Variants in PTCHD1 observed in about 807,000 individuals in gnomAD.
The protein encoded by PTCHD1 is patched domain containing 1.
In PTCHD1, 3 loss-of-function variants were observed where a neutral mutation model predicts 34.6. The observed-to-expected ratio is 0.09, with a 90% CI of 0.04 to 0.22. PTCHD1 has a LOEUF of 0.22. PTCHD1 is among the 10% of genes least tolerant of loss of function. The pLI is 1.00. For synonymous variants in PTCHD1, 305 were observed against 283.1 expected (o/e 1.08, Z -0.77); for missense variants, 504 against 685.5 (o/e 0.74, Z 2.96).
intron 1 of PTCHD1, among the ~76,000 whole-genome samples, chrX:23,356,217 C>T (rs920506023): frequency 1.8e-5 from 2 of 112,145 alleles, no homozygotes; most frequent in African/African-American, 3.2e-5. Flanking sequence ...TTGAGTATTG[C>T]GTGCCTACTC....
chrX:23,345,905 G>A (rs1041039837), intron 1 of PTCHD1, among the ~76,000 whole-genome samples: 3 of 111,881 alleles, frequency 2.7e-5, no homozygotes, highest in Non-Finnish European at 5.6e-5. Context: ...TGTAAGGCAA[G>A]CATGTTGAAC....
intron 1 of PTCHD1, among the ~76,000 whole-genome samples, chrX:23,364,233 C>G (rs937994600): frequency 3.6e-5 from 4 of 110,277 alleles, no homozygotes; most frequent in African/African-American, 1.3e-4. Context: ...ATGAGAGGGC[C>G]CTCTGGGTAC....
intron 1 of PTCHD1, among the ~76,000 whole-genome samples, chrX:23,361,477 C>A (rs893477827): frequency 2.7e-5 from 3 of 111,421 alleles, no homozygotes; most frequent in Non-Finnish European, 5.7e-5. Context: ...GCAACCCCTG[C>A]CTTTTTTTGT....
In PTCHD1 at chrX:23,380,210, A is replaced by C. The variant is rs1922526360; in HGVS notation, c.971A>C (p.Lys324Thr). The C allele has an allele frequency of 8.3e-7, 1 of 1,209,040 alleles. No individual in the cohort carries two copies. The part of the protein sequence containing the change: ...AAGIINLTGG[K>T]YNSTFLGVPF... ...GGGATCATCAATCTTACTGGTGGGA[A>C]ATATAATTCCACCTTCCTGGGAGTC... The change falls in exon 2 of 3, where the codon AAA (lysine) becomes ACA (threonine). Residue 324 changes from lysine to threonine, a missense_variant. Lys to Thr is a moderately conservative substitution (Grantham distance 78). Coordinates refer to ENST00000379361, the MANE Select transcript of PTCHD1 (RefSeq NM_173495.3).
intron 2 of PTCHD1, among the ~76,000 whole-genome samples, chrX:23,385,766 G>A (rs1324148899): frequency 9.0e-6 from 1 of 111,328 alleles, no homozygotes; most frequent in Non-Finnish European, 1.9e-5. Context: ...ACTGATTGGT[G>A]TAGCAACACT....
At position 23,394,135 on chromosome X, in the gene PTCHD1, A is replaced by C. The variant is rs1439601689; in HGVS notation, c.2617A>C (p.Met873Leu). Reference protein sequence around the residue: ...ENREEIECVEMVDIDSTRVVD... With the variant: ...ENREEIECVELVDIDSTRVVD... ...CCGGGAGGAAATTGAGTGTGTAGAA[A>C]TGGTAGATATCGATAGTACCCGTGT... Residue 873 changes from methionine to leucine, a missense_variant, in exon 3 of 3, where the codon ATG becomes CTG. Transcript: ENST00000379361. 1.7e-6 allele frequency: 2 copies of C among 1,210,209 alleles called. No individual in the cohort carries two copies. The highest frequency in any genetic ancestry group is 2.2e-6 in the Non-Finnish European group (2 of 894,728).
Position 23,393,666 on chromosome X carries a change from C to T in PTCHD1, c.2148C>T (p.Phe716=). 8.3e-7 allele frequency: 1 copy of T among 1,211,989 alleles called. No individual in the cohort carries two copies. Among genetic ancestry groups the T allele is most frequent in the Non-Finnish European group, 1.1e-6 (1 of 895,533 alleles). ...TGTTCCTGCTCTTCTTCTCGGCATT[C>T]CTGGTGGCAGATTCACTGATTAACG... is the stretch of plus-strand genomic sequence containing the variant. ...SALFLLFFSA[F]LVADSLINVW... Residue 716 remains phenylalanine, a synonymous_variant, in exon 3 of 3, where the codon TTC becomes TTT. Coordinates refer to ENST00000379361, the MANE Select transcript of PTCHD1 (RefSeq NM_173495.3).
intron 1 of PTCHD1, among the ~76,000 whole-genome samples, chrX:23,360,151 T>C (rs968679067): frequency 8.9e-6 from 1 of 112,342 alleles, no homozygotes; most frequent in African/African-American, 3.2e-5. Flanking sequence ...ATCAGGATGA[T>C]GCTGGCCTCA....
chrX:23,342,266 CTATATATATATATATA>C (rs1194698667), intron 1 of PTCHD1, among the ~76,000 whole-genome samples: 10 of 31,235 alleles, frequency 3.2e-4, no homozygotes, highest in East Asian at 3.0e-3. Context: ...GTGTTTCTCC[CTATATATATATATATA>C]TATATATATA....
chrX:23,353,613 A>C lies in PTCHD1; in HGVS notation c.351+18387A>C, dbSNP rs761994541. 3.9e-4 allele frequency among the ~76,000 whole-genome samples: 39 copies of C among 100,511 alleles called. 1 individual carries two copies. In the East Asian group the frequency reaches 8.7e-3, roughly 22 times the overall value. 87.3% of individuals were successfully genotyped at this position (100,511 alleles called of 115,157 possible). ...TCAAAACAAAACAAAACAAAACAAAAAAAAAAAACGTAAGCTAAGAGATCC... is the reference window on the plus strand; with the variant it reads ...TCAAAACAAAACAAAACAAAACAAACAAAAAAAACGTAAGCTAAGAGATCC... On this transcript the variant is annotated intron_variant, in intron 1 of 2. Transcript: ENST00000379361.
Position 23,401,023 on chromosome X carries a change from T to TTTGTGTGTG in PTCHD1, c.*6839_*6840insTGTGTGTGT, listed in dbSNP as rs1555913125. 1.1e-5 allele frequency: 1 copy of TTTGTGTGTG among 94,486 alleles called. No individual in the cohort carries two copies. Among genetic ancestry groups the TTTGTGTGTG allele is most frequent in the Non-Finnish European group, 2.1e-5 (1 of 47,612 alleles). The allele number at this position is 94,486 out of a possible 1,213,427, so 7.8% of individuals were successfully genotyped here. A position where few individuals can be genotyped will look rare whatever the true frequency, so the allele number is the denominator to read the frequency against. On this transcript the variant is annotated 3_prime_UTR_variant, in exon 3 of 3. Coordinates refer to ENST00000379361, the MANE Select transcript of PTCHD1 (RefSeq NM_173495.3). ...GGTGCCCGCCACCGCGCCCGGCTAA[T>TTTGTGTGTG]TGTGTGTGTGTGTGTGTGTGTGTGT...
chrX:23,341,639 G>A (rs776535474), intron 1 of PTCHD1, among the ~76,000 whole-genome samples: 2 of 112,459 alleles, frequency 1.8e-5, no homozygotes, highest in African/African-American at 3.2e-5. Flanking sequence ...CAGAACTACC[G>A]AGGAATCCTG....
chrX:23,334,859 G>T lies in PTCHD1; in HGVS notation c.-17G>T. On this transcript the variant is annotated 5_prime_UTR_variant, in exon 1 of 3. Coordinates refer to ENST00000379361, the MANE Select transcript of PTCHD1 (RefSeq NM_173495.3). Reference sequence around the variant, plus strand: ...AGCGTGCGCCTCGCCCTCCTCCCGCGCCCGCTCTGCTCTAGGATGCTGCGG... The same window carrying T: ...AGCGTGCGCCTCGCCCTCCTCCCGCTCCCGCTCTGCTCTAGGATGCTGCGG... 8.8e-7 allele frequency: 1 copy of T among 1,141,530 alleles called. No homozygotes were observed. 94.1% of individuals were successfully genotyped at this position (1,141,530 alleles called of 1,213,427 possible).
chrX:23,346,336 G>A (rs1310395654), intron 1 of PTCHD1, among the ~76,000 whole-genome samples: 5 of 111,543 alleles, frequency 4.5e-5, no homozygotes, highest in Non-Finnish European at 1.9e-5. Flanking sequence ...TTTGCAGTAG[G>A]GGAGAGATCC....
In PTCHD1 at chrX:23,393,910, A is replaced by G; in HGVS notation, c.2392A>G (p.Ile798Val). Residue 798 changes from isoleucine to valine, a missense_variant, in exon 3 of 3, where the codon ATT (isoleucine) becomes GTT (valine). By Grantham distance (29) the Ile-to-Val change is conservative (BLOSUM62 3). Transcript: ENST00000379361. ...TGCCCTGGAAGTGCATGGGGTAGCT[A>G]TTTTACAGAGTTACCTCTGCTATAT... Reference protein sequence around the residue: ...KNALEVHGVAILQSYLCYIVG... With the variant: ...KNALEVHGVAVLQSYLCYIVG... 8.3e-7 allele frequency: 1 copy of G among 1,211,076 alleles called. No homozygotes were observed.
At position 23,393,721 on chromosome X, in the gene PTCHD1, G is replaced by C; in HGVS notation, c.2203G>C (p.Glu735Gln). The C allele has an allele frequency of 8.3e-7, 1 of 1,211,380 alleles. No homozygotes were observed. The highest frequency in any genetic ancestry group is 1.1e-6 in the Non-Finnish European group (1 of 895,073). ...VWITLTVVSVEFGVIGFMTLW... is the reference protein window; with the variant it reads ...VWITLTVVSVQFGVIGFMTLW... Reference sequence around the variant, plus strand: ...GATCACTCTCACAGTTGTGTCCGTGGAGTTTGGAGTGATAGGTTTCATGAC... The same window carrying C: ...GATCACTCTCACAGTTGTGTCCGTGCAGTTTGGAGTGATAGGTTTCATGAC... Residue 735 changes from glutamate (E) to glutamine (Q), a missense_variant, in exon 3 of 3, where the codon GAG becomes CAG. Transcript: ENST00000379361.
chrX:23,340,374 T>C (rs1313770195), intron 1 of PTCHD1, among the ~76,000 whole-genome samples: 1 of 111,844 alleles, frequency 8.9e-6, no homozygotes, highest in Non-Finnish European at 1.9e-5. Flanking sequence ...AAATCCCACC[T>C]GCTGTAGAGG....
chrX:23,352,270 G>A (rs1360147072), intron 1 of PTCHD1, among the ~76,000 whole-genome samples: 2 of 111,945 alleles, frequency 1.8e-5, no homozygotes, highest in Admixed American at 1.9e-4. Context: ...AAGTGCTAAA[G>A]AAAGAACATT....
At chrX:23,339,148 T>C (rs1422367943) in intron 1 of PTCHD1, among the ~76,000 whole-genome samples, 1 of 112,046 alleles carries the variant, frequency 8.9e-6, no homozygotes, top group Admixed American at 9.5e-5. Context: ...AGACCCTCCC[T>C]AGTTTACTCA....
Sources: gnomAD v4.1 joint callset for allele counts (sites outside exome capture counted in the v4.1 genomes callset) on GRCh38, gnomAD v4.1.1 for gene constraint, MANE v1.5 for transcripts, NCBI Gene and HGNC (gene_info 2026-07-23, HGNC 2026-07-21) for gene names.